TMEM131: variants seen among roughly 807,000 people sequenced by gnomAD.
TMEM131 encodes transmembrane protein 131.
Under a neutral mutation model 211.6 loss-of-function variants are expected in TMEM131, and 66 were observed. The ratio of observed to expected loss-of-function variants is 0.31; its 90% CI spans 0.26 to 0.38. The LOEUF is 0.38. Among genes scored for constraint, TMEM131 ranks in the 10% least tolerant of loss-of-function variants. TMEM131 has a pLI of 1.00. For missense variants in TMEM131, 2,036 were observed against 2,299.3 expected (o/e 0.89, Z 2.34); for synonymous variants, 844 against 841.3 (o/e 1.00, Z -0.06).
chr2:97,882,135 TAG>T (rs961177013), intron 4 of TMEM131, among the ~76,000 whole-genome samples: 8 of 152,236 alleles, frequency 5.3e-5, no homozygotes, highest in Admixed American at 1.3e-4. Context: ...CTTCATTTTC[TAG>T]AGTCAGAAGT....
At chr2:97,842,558 T>C (rs922913491) in intron 6 of TMEM131, among the ~76,000 whole-genome samples, 3 of 150,214 alleles carry the variant, frequency 2.0e-5, no homozygotes, top group Non-Finnish European at 4.4e-5. Context: ...TAACAGACAG[T>C]GTTGGGGGAG....
intron 31 of TMEM131, among the ~76,000 whole-genome samples, chr2:97,791,019 A>G (rs1680476627): frequency 6.6e-6 from 1 of 152,220 alleles, no homozygotes; most frequent in African/African-American, 2.4e-5. Flanking sequence ...TATAAATTGA[A>G]GCCCAAAACT....
Position 97,833,384 on chromosome 2 carries a change from G to A in TMEM131, c.1055C>T (p.Thr352Ile). Residue 352 changes from threonine (T) to isoleucine (I), a missense_variant, in exon 11 of 41, where the codon ACA (threonine) becomes ATA (isoleucine). By Grantham distance (89) the Thr-to-Ile change is moderately conservative (BLOSUM62 -1). Transcript: ENST00000186436. ...ACTTACTGTTATTGGTACATCTTTT[G>A]TTCCTGAATTTAATAAATGAAGGTT... The part of the protein sequence containing the change: ...VLNLHLLNSG[T>I]KDVPITSVRP... 1 of 1,313,688 alleles carries A rather than the reference G, an allele frequency of 7.6e-7. No individual in the cohort carries two copies. Among genetic ancestry groups the A allele is most frequent in the Non-Finnish European group, 1.1e-6 (1 of 936,854 alleles). 81.4% of individuals were successfully genotyped at this position (1,313,688 alleles called of 1,614,324 possible). A position where few individuals can be genotyped will look rare whatever the true frequency, so the allele number is the denominator to read the frequency against.
intron 2 of TMEM131, among the ~76,000 whole-genome samples, chr2:97,918,725 G>A (rs1291504939): frequency 6.6e-6 from 1 of 152,138 alleles, no homozygotes; most frequent in Non-Finnish European, 1.5e-5. Flanking sequence ...CAAACCAAAT[G>A]CAAAAAGGCA....
At chr2:97,805,895 C>T (rs888136424) in intron 19 of TMEM131, among the ~76,000 whole-genome samples, 192 bp from the exon 20 acceptor site, 4 of 152,126 alleles carry the variant, frequency 2.6e-5, no homozygotes, top group African/African-American at 9.7e-5. Flanking sequence ...TTTTTTCTTG[C>T]TGTGGCATGT....
intron 2 of TMEM131, among the ~76,000 whole-genome samples, chr2:97,922,379 A>G (rs543827107): frequency 4.7e-4 from 72 of 152,244 alleles, no homozygotes; most frequent in African/African-American, 1.6e-3. Context: ...CTGCATTCTA[A>G]TCCCTCAGAA....
At chr2:97,845,866 T>C (rs1259675459) in intron 5 of TMEM131, among the ~76,000 whole-genome samples, 1 of 149,504 alleles carries the variant, frequency 6.7e-6, no homozygotes, top group African/African-American at 2.5e-5. Context: ...AAGTCAAAAA[T>C]ATAAGGAACT....
chr2:97,925,938 G>A (rs899448141), intron 2 of TMEM131, among the ~76,000 whole-genome samples: 27 of 151,738 alleles, frequency 1.8e-4, no homozygotes, highest in African/African-American at 5.6e-4. Context: ...GTGAAACCCC[G>A]TCTGTACTAA....
At chr2:97,940,928 C>G (rs1440176071) in intron 1 of TMEM131, among the ~76,000 whole-genome samples, 5 of 152,096 alleles carry the variant, frequency 3.3e-5, no homozygotes, top group Non-Finnish European at 7.4e-5. Flanking sequence ...AATGCCATCC[C>G]CATCAAGCTA....
intron 3 of TMEM131, among the ~76,000 whole-genome samples, chr2:97,905,835 C>T (rs1188429109): frequency 2.0e-5 from 3 of 152,154 alleles, no homozygotes; most frequent in South Asian, 2.1e-4. Flanking sequence ...TGGATGCCAC[C>T]GGCCCTCCTC....
At chr2:97,947,111 A>C (rs1452260127) in intron 1 of TMEM131, among the ~76,000 whole-genome samples, 1 of 152,084 alleles carries the variant, frequency 6.6e-6, no homozygotes, top group Non-Finnish European at 1.5e-5. Context: ...CATCATACTT[A>C]ATGGTGAAAG....
At chr2:97,970,883 TG>T (rs1006971579) in intron 1 of TMEM131, among the ~76,000 whole-genome samples, 6 of 152,310 alleles carry the variant, frequency 3.9e-5, no homozygotes, top group African/African-American at 1.4e-4. Context: ...CTATGTGCTC[TG>T]GAACTGGCTC....
chr2:97,878,639 T>G (rs926942380), intron 4 of TMEM131, among the ~76,000 whole-genome samples: 2 of 151,566 alleles, frequency 1.3e-5, no homozygotes, highest in African/African-American at 2.4e-5. Context: ...TAAGTGGGAG[T>G]TGAACAATGA....
chr2:97,875,823 CA>C (rs1429169199), intron 4 of TMEM131, among the ~76,000 whole-genome samples: 1 of 151,838 alleles, frequency 6.6e-6, no homozygotes, highest in East Asian at 1.9e-4. Context: ...GAAGCAACAG[CA>C]AAAAAATTCA....
At chr2:97,858,368 T>G (rs528017335) in intron 5 of TMEM131, among the ~76,000 whole-genome samples, 1 of 152,218 alleles carries the variant, frequency 6.6e-6, no homozygotes, top group Non-Finnish European at 1.5e-5. Context: ...TAAGATACCA[T>G]TTTTATTTAT....
chr2:97,914,403 T>C (rs564777724), intron 2 of TMEM131, among the ~76,000 whole-genome samples: 1 of 152,324 alleles, frequency 6.6e-6, no homozygotes, highest in Non-Finnish European at 1.5e-5. Context: ...TGTCCTCATT[T>C]GTGTTTGTTC....
In TMEM131 at chr2:97,811,209, A is replaced by G. The variant is rs776207196; in HGVS notation, c.1887T>C (p.Phe629=). 6.2e-7 allele frequency: 1 copy of G among 1,613,660 alleles called. No homozygotes were observed. Among genetic ancestry groups the G allele is most frequent in the Non-Finnish European group, 8.5e-7 (1 of 1,179,634 alleles). The part of the protein sequence containing the change: ...QSSVTLASGY[F]AVFRVKLTAK... ...CAGTAAGTTTGACTCTGAAGACTGC[A>G]AAATAGCCTGAAGCTAATGTTACCT... Residue 629 remains phenylalanine, a synonymous_variant, in exon 18 of 41, where the codon TTT becomes TTC. Coordinates refer to ENST00000186436, the MANE Select transcript of TMEM131 (RefSeq NM_015348.2).
chr2:97,838,043 T>C (rs572248890), intron 7 of TMEM131, among the ~76,000 whole-genome samples: 10 of 152,360 alleles, frequency 6.6e-5, no homozygotes, highest in African/African-American at 2.4e-4. Flanking sequence ...TACCACTTTG[T>C]TTATGCATTA....
At chr2:97,917,787 G>C (rs553426112) in intron 2 of TMEM131, among the ~76,000 whole-genome samples, 35 of 152,250 alleles carry the variant, frequency 2.3e-4, no homozygotes, top group Non-Finnish European at 4.6e-4. Flanking sequence ...CCTCCCAGCA[G>C]GTTCTAGCAA....
Sources: allele counts gnomAD v4.1 joint callset (sites outside exome capture counted in the v4.1 genomes callset), GRCh38; gene constraint gnomAD v4.1.1; transcripts MANE v1.5; gene names NCBI Gene and HGNC (gene_info 2026-07-23, HGNC 2026-07-21).